ACTN1: variants seen among roughly 807,000 people sequenced by gnomAD.
ACTN1 encodes actinin alpha 1.
A neutral mutation model predicts 119.6 loss-of-function variants in ACTN1; 30 were observed. The ratio of observed to expected loss-of-function variants is 0.25; its 90% CI spans 0.19 to 0.34. ACTN1 has a LOEUF of 0.34. ACTN1 is among the 10% of genes least tolerant of loss of function. The pLI is 1.00. For missense variants in ACTN1, 764 were observed against 1,223.4 expected (o/e 0.62, Z 5.60); for synonymous variants, 429 against 472.6 (o/e 0.91, Z 1.20).
chr14:68,959,823 C>T (rs1002814024), intron 1 of ACTN1, among the ~76,000 whole-genome samples: 12 of 152,226 alleles, frequency 7.9e-5, no homozygotes, highest in Admixed American at 2.0e-4. Context: ...GGGTAAGAGG[C>T]AACGACCCTC....
intron 1 of ACTN1, among the ~76,000 whole-genome samples, chr14:68,960,267 G>A (rs1388530368): frequency 6.6e-6 from 1 of 152,194 alleles, no homozygotes; most frequent in Non-Finnish European, 1.5e-5. Flanking sequence ...AACCTGCACA[G>A]TTCAAACCTG....
intron 21 of ACTN1, among the ~76,000 whole-genome samples, chr14:68,876,318 G>T (rs1262844718): frequency 1.3e-5 from 2 of 152,202 alleles, no homozygotes; most frequent in Non-Finnish European, 2.9e-5. Flanking sequence ...TTGAAGGAAG[G>T]ATGGCATAAG....
At chr14:68,897,281 A>G (rs903593820) in intron 8 of ACTN1, among the ~76,000 whole-genome samples, 2 of 152,020 alleles carry the variant, frequency 1.3e-5, no homozygotes, top group African/African-American at 4.8e-5. Context: ...TCTGCGCCCA[A>G]CCTGAATTTT....
chr14:68,978,710 C>A (rs2037156995), intron 1 of ACTN1: 1 of 346,214 alleles, frequency 2.9e-6, no homozygotes. Flanking sequence ...GACCTGCCCG[C>A]CAGCGGCGCC....
Position 68,885,640 on chromosome 14 carries a change from C to T in ACTN1, c.1235-65G>A, listed in dbSNP as rs1205080194. ...AAGCATCTCCTTGGTCCCAACCGCC[C>T]ACCCCTCAGGGCCCCAGGAGCTCCA... On this transcript the variant is annotated intron_variant, in intron 11 of 21. Transcript: ENST00000394419. The surrounding 1 kb of genome is among the most constrained non-coding windows in gnomAD (Gnocchi z 5.6). 2.6e-6 allele frequency: 4 copies of T among 1,564,818 alleles called. No homozygotes were observed. The highest frequency in any genetic ancestry group is 3.5e-6 in the Non-Finnish European group (4 of 1,155,712).
chr14:68,977,016 G>C (rs1425756343), intron 1 of ACTN1, among the ~76,000 whole-genome samples: 2 of 152,158 alleles, frequency 1.3e-5, no homozygotes. Context: ...GTTCAGGCCG[G>C]TGCTCAGTGT....
In ACTN1 at chr14:68,885,334, C is replaced by G; in HGVS notation, c.1385+91G>C. On this transcript the variant is annotated intron_variant, in intron 12 of 21. Coordinates refer to ENST00000394419, the MANE Select transcript of ACTN1 (RefSeq NM_001130004.2). The surrounding 1 kb of genome is among the most constrained non-coding windows in gnomAD (Gnocchi z 5.6). Reference sequence around the variant, plus strand: ...ACCCACCTGTACCCACCCTCCCCATCTTCCACGGCCACACCCCCACCTCCC... The same window carrying G: ...ACCCACCTGTACCCACCCTCCCCATGTTCCACGGCCACACCCCCACCTCCC... 1 of 1,174,828 alleles carries G rather than the reference C, an allele frequency of 8.5e-7. No homozygotes were observed. The highest frequency in any genetic ancestry group is 1.2e-6 in the Non-Finnish European group (1 of 864,514). The allele number at this position is 1,174,828 out of a possible 1,614,324, so 72.8% of individuals were successfully genotyped here. A position where few individuals can be genotyped will look rare whatever the true frequency, so the allele number is the denominator to read the frequency against.
chr14:68,916,042 G>A (rs1196619616), intron 3 of ACTN1, among the ~76,000 whole-genome samples: 7 of 152,134 alleles, frequency 4.6e-5, no homozygotes, highest in Admixed American at 2.0e-4. Flanking sequence ...GACAATGAAC[G>A]CAGACATTAA....
chr14:68,949,247 CG>C (rs2036048295), intron 1 of ACTN1, among the ~76,000 whole-genome samples: 1 of 152,176 alleles, frequency 6.6e-6, no homozygotes, highest in Non-Finnish European at 1.5e-5. Flanking sequence ...AAAGTAAGCT[CG>C]GGGTCCCCGT....
intron 6 of ACTN1, among the ~76,000 whole-genome samples, chr14:68,905,940 G>A (rs146854588): frequency 1.3e-4 from 20 of 149,850 alleles, no homozygotes; most frequent in African/African-American, 4.2e-4. Context: ...CCAAGATCGC[G>A]CTGCTGCACT....
rs543949815 is a variant in ACTN1 at position 68,968,036 on chromosome 14, GA to G, written c.105+10915del. On this transcript the variant is annotated intron_variant, in intron 1 of 21. Transcript: ENST00000394419. ...AAGCACAACTACTACCCTGGGAGGT[GA>G]AAAAAATGGCAACGTGGCATAGGTC... Among the ~76,000 whole-genome samples, 22 of 152,120 alleles carry G rather than the reference GA, an allele frequency of 1.4e-4. No homozygotes were observed. In the South Asian group the frequency reaches 4.6e-3, roughly 32 times the overall value.
chr14:68,951,877 T>A (rs2036182340), intron 1 of ACTN1, among the ~76,000 whole-genome samples: 1 of 152,222 alleles, frequency 6.6e-6, no homozygotes, highest in South Asian at 2.1e-4. Context: ...TTCTAAACTC[T>A]TACCCTGTGC....
chr14:68,874,207 AAT>A lies in ACTN1; in HGVS notation c.*650_*651del, dbSNP rs1324661271. 2.0e-5 allele frequency: 3 copies of A among 152,358 alleles called. No homozygotes were observed. Among genetic ancestry groups the A allele is most frequent in the Non-Finnish European group, 4.4e-5 (3 of 68,040 alleles). 9.4% of individuals were successfully genotyped at this position (152,358 alleles called of 1,614,324 possible). On this transcript the variant is annotated 3_prime_UTR_variant, in exon 22 of 22. Transcript: ENST00000394419. ...TACTCTCCAAGTTTGTCCTATTTTT[AAT>A]AGACAATATTAAAAATTTTTTAAGT...
chr14:68,926,937 C>T (rs1054175382), intron 1 of ACTN1, among the ~76,000 whole-genome samples: 4 of 152,120 alleles, frequency 2.6e-5, no homozygotes, highest in African/African-American at 9.7e-5. Context: ...GAAGCTATCC[C>T]TCCACACAGG....
At chr14:68,888,246 G>A (rs2032186991) in intron 11 of ACTN1, 1 of 368,854 alleles carries the variant, frequency 2.7e-6, no homozygotes, top group Non-Finnish European at 5.1e-6. Context: ...TAGTAAAATT[G>A]GTAGAACTGA....
chr14:68,951,508 G>A (rs1355997185), intron 1 of ACTN1, among the ~76,000 whole-genome samples: 1 of 152,208 alleles, frequency 6.6e-6, no homozygotes, highest in Non-Finnish European at 1.5e-5. Flanking sequence ...ATGCATGGAA[G>A]CTCTGCAACC....
In ACTN1 at chr14:68,882,628, G is replaced by T; in HGVS notation, c.1819-36C>A. ...AACAACAAGGCGACTTTCAGGATGG[G>T]TCAGCCATCTGTCCATGTGCCAGAT... On this transcript the variant is annotated intron_variant, in intron 15 of 21. Transcript: ENST00000394419. The surrounding 1 kb of genome is among the most constrained non-coding windows in gnomAD (Gnocchi z 4.5). The T allele has an allele frequency of 6.2e-7, 1 of 1,612,368 alleles. No homozygotes were observed. The highest frequency in any genetic ancestry group is 8.5e-7 in the Non-Finnish European group (1 of 1,178,842).
At chr14:68,977,459 T>C (rs923177033) in intron 1 of ACTN1, 4 of 154,702 alleles carry the variant, frequency 2.6e-5, no homozygotes, top group South Asian at 3.7e-4. Flanking sequence ...GACCTTCCCA[T>C]GTCCGATGTA....
intron 1 of ACTN1, chr14:68,936,797 T>C (rs1040513432): frequency 1.1e-5 from 7 of 608,926 alleles, no homozygotes; most frequent in Non-Finnish European, 1.9e-5. Flanking sequence ...AGGACACTTG[T>C]GGTGCCAACG....
Sources: allele counts gnomAD v4.1 joint callset (sites outside exome capture counted in the v4.1 genomes callset), GRCh38; gene constraint gnomAD v4.1.1; non-coding constraint Gnocchi (gnomAD v3.1); transcripts MANE v1.5; gene names NCBI Gene and HGNC (gene_info 2026-07-23, HGNC 2026-07-21).